Variants in TET3 observed in about 807,000 individuals in gnomAD.
TET3 encodes methylcytosine dioxygenase TET3.
In TET3, 19 loss-of-function variants were observed where a neutral mutation model predicts 141.4. The observed-to-expected ratio is 0.13, with a 90% CI of 0.09 to 0.20. The LOEUF (loss-of-function observed/expected upper bound fraction) is 0.20, where lower values mean the gene tolerates loss of function less well. Ranked by LOEUF, TET3 falls within the 10% of genes least tolerant of loss-of-function variation. The probability of loss-of-function intolerance (pLI) is 1.00; values close to 1 mark genes in which losing one functional copy is unlikely to be tolerated. For synonymous variants in TET3, 1,043 were observed against 980.9 expected (o/e 1.06, Z -1.18); for missense variants, 1,874 against 2,356.9 (o/e 0.80, Z 4.24).
intron 2 of TET3, among the ~76,000 whole-genome samples, chr2:74,000,574 C>T (rs374930232): frequency 6.6e-6 from 1 of 151,992 alleles, no homozygotes; most frequent in Non-Finnish European, 1.5e-5. Context: ...GGAGCAGCAC[C>T]GGGAAGTCTC....
intron 5 of TET3, among the ~76,000 whole-genome samples, chr2:74,078,166 C>G (rs1049632228): frequency 2.0e-5 from 3 of 151,948 alleles, no homozygotes; most frequent in African/African-American, 7.3e-5. Flanking sequence ...ATGTTTGTGG[C>G]CTGACAAGAG....
chr2:74,037,735 TC>T (rs1687145183), intron 3 of TET3, among the ~76,000 whole-genome samples: 1 of 152,204 alleles, frequency 6.6e-6, no homozygotes, highest in Non-Finnish European at 1.5e-5. Context: ...CAGACTCTGT[TC>T]CTCTTGTAAC....
chr2:74,069,488 G>A (rs996228532), intron 4 of TET3, among the ~76,000 whole-genome samples: 1 of 151,468 alleles, frequency 6.6e-6, no homozygotes, highest in Non-Finnish European at 1.5e-5. Flanking sequence ...TTCACATAGA[G>A]TTTAATGAAA....
chr2:74,001,384 T>A (rs1315109620), intron 2 of TET3, among the ~76,000 whole-genome samples: 1 of 152,184 alleles, frequency 6.6e-6, no homozygotes, highest in Non-Finnish European at 1.5e-5. Context: ...AGCTTATTCA[T>A]CTGTGAGAAT....
At position 74,100,535 on chromosome 2, in the gene TET3, C is replaced by T. The variant is rs759908897; in HGVS notation, c.3747C>T (p.Ser1249=). Residue 1249 remains serine, a synonymous_variant, in exon 12 of 12, where the codon TCC becomes TCT. Transcript: ENST00000409262. ...SYSVLGNCRP[S]DPYSMNSVYS... ...CGGTGCTGGGCAACTGCCGGCCCTC[C>T]GACCCTTACAGCATGAACAGCGTGT... 1.1e-5 allele frequency: 17 copies of T among 1,611,362 alleles called. No individual in the cohort carries two copies. In the South Asian group the frequency reaches 1.1e-4, roughly 10 times the overall value.
intron 6 of TET3, among the ~76,000 whole-genome samples, chr2:74,085,697 C>T (rs779239373): frequency 3.9e-5 from 6 of 152,236 alleles, no homozygotes; most frequent in Non-Finnish European, 7.3e-5. Context: ...CAGGCGGTAA[C>T]GCCCGCTCGC....
intron 2 of TET3, among the ~76,000 whole-genome samples, chr2:73,989,640 C>T (rs143502707): frequency 1.3e-5 from 2 of 148,394 alleles, no homozygotes; most frequent in Admixed American, 6.6e-5. Flanking sequence ...CCCTAGGAGG[C>T]GGTGACTACT....
At chr2:74,037,046 A>G (rs1458391147) in intron 3 of TET3, among the ~76,000 whole-genome samples, 2 of 152,196 alleles carry the variant, frequency 1.3e-5, no homozygotes, top group Non-Finnish European at 2.9e-5. Flanking sequence ...GCCAACGTAT[A>G]ATGCTCTCAA....
Position 74,024,820 on chromosome 2 carries a change from G to GAAT in TET3, c.361-21456_361-21454dup, listed in dbSNP as rs539588938. Among the ~76,000 whole-genome samples, 6 of 152,194 alleles carry GAAT rather than the reference G, an allele frequency of 3.9e-5. No homozygotes were observed. The East Asian group carries it at 1.2e-3, about 29-fold the overall frequency. Reference sequence around the variant, plus strand: ...TTTCAGAGTTTTACAAAAGTTGCAGGAATAGTACAAAGAATTCTCTTCACT... The same window carrying GAAT: ...TTTCAGAGTTTTACAAAAGTTGCAGGAATAATAGTACAAAGAATTCTCTTCACT... On this transcript the variant is annotated intron_variant, in intron 3 of 11. Transcript: ENST00000409262.
the TET3 span, among the ~76,000 whole-genome samples, chr2:74,130,010 G>T: frequency 6.6e-6 from 1 of 151,450 alleles, no homozygotes; most frequent in Non-Finnish European, 1.5e-5. Flanking sequence ...CAGGAGAATG[G>T]CTTGTACCCG....
intron 2 of TET3, among the ~76,000 whole-genome samples, chr2:73,987,399 A>T (rs1246488504): frequency 1.3e-5 from 2 of 152,166 alleles, no homozygotes; most frequent in Admixed American, 6.5e-5. Context: ...TATTTGGGGT[A>T]GTAGGGTGGA....
chr2:74,001,574 G>A (rs1390380964), intron 2 of TET3, among the ~76,000 whole-genome samples: 3 of 152,350 alleles, frequency 2.0e-5, no homozygotes, highest in South Asian at 4.1e-4. Flanking sequence ...GTACCAAAGT[G>A]TGTGGAAGTC....
intron 3 of TET3, among the ~76,000 whole-genome samples, chr2:74,011,414 G>A (rs1220533077): frequency 6.6e-6 from 1 of 152,194 alleles, no homozygotes; most frequent in Non-Finnish European, 1.5e-5. Context: ...CAAAGGTCAG[G>A]CCAGGCCATA....
chr2:73,987,329 T>C (rs954891501), intron 2 of TET3, among the ~76,000 whole-genome samples: 1 of 152,194 alleles, frequency 6.6e-6, no homozygotes, highest in Non-Finnish European at 1.5e-5. Flanking sequence ...CAGATACTAA[T>C]TGCATGAATG....
In TET3 at chr2:74,048,263, C is replaced by G; in HGVS notation, c.2346C>G (p.Ala782=). Reference sequence around the variant, plus strand: ...ATTCAGAGGAGGGAGGACAGGAGGCCACACCCACCAAGGCTGAGAACCCAC... The same window carrying G: ...ATTCAGAGGAGGGAGGACAGGAGGCGACACCCACCAAGGCTGAGAACCCAC... ...CFHSEEGGQE[A]TPTKAENPLT... Residue 782 remains alanine, a synonymous_variant, in exon 4 of 12, where the codon GCC becomes GCG. Coordinates refer to ENST00000409262, the MANE Select transcript of TET3 (RefSeq NM_001287491.2). The G allele has an allele frequency of 1.2e-6, 2 of 1,613,836 alleles. No individual in the cohort carries two copies. Among genetic ancestry groups the G allele is most frequent in the Non-Finnish European group, 1.7e-6 (2 of 1,179,854 alleles).
intron 4 of TET3, among the ~76,000 whole-genome samples, chr2:74,058,266 G>A (rs1007965073): frequency 2.0e-5 from 3 of 152,192 alleles, no homozygotes; most frequent in African/African-American, 4.8e-5. Flanking sequence ...GGCAGACAGC[G>A]AGGGAAGCAG....
rs759880610 is a variant in TET3, at chr2:74,047,693, G to A, written c.1776G>A (p.Thr592=). ...LPTPAGGPVG[T]EKAAPGIKPS... is the part of the protein sequence containing the mutation. ...CACCAGCTGGAGGTCCCGTGGGAAC[G>A]GAGAAAGCTGCCCCTGGGATCAAGC... Residue 592 remains threonine (T), a synonymous_variant, in exon 4 of 12, where the codon ACG becomes ACA. Transcript: ENST00000409262. 66 of 1,613,266 alleles carry A rather than the reference G, an allele frequency of 4.1e-5. No individual in the cohort carries two copies. The highest frequency in any genetic ancestry group is 5.3e-5 in the African/African-American group (4 of 74,912).
chr2:74,089,571 A>G (rs1193056522), intron 7 of TET3, among the ~76,000 whole-genome samples: 1 of 152,208 alleles, frequency 6.6e-6, no homozygotes, highest in Admixed American at 6.5e-5. Context: ...GCTGGTTAAG[A>G]TATTAAGTTA....
intron 4 of TET3, among the ~76,000 whole-genome samples, chr2:74,061,887 A>G (rs1377484198): frequency 6.8e-6 from 1 of 147,128 alleles, no homozygotes; most frequent in African/African-American, 2.6e-5. Flanking sequence ...GGCGCTCCTC[A>G]CTTCCTAGAT....
Sources: allele counts gnomAD v4.1 joint callset (sites outside exome capture counted in the v4.1 genomes callset), GRCh38; gene constraint gnomAD v4.1.1; transcripts MANE v1.5; gene names NCBI Gene and HGNC (gene_info 2026-07-23, HGNC 2026-07-21).